The following MRPL13 variants were observed in gnomAD, a reference collection of about 807,000 sequenced individuals.
The protein encoded by MRPL13 is mitochondrial ribosomal protein L13, also known as large ribosomal subunit protein uL13m.
MRPL13 carries 33 observed loss-of-function variants against 29.0 expected under a neutral mutation model. That is an observed-to-expected ratio of 1.14 (90% confidence interval 0.86 to 1.52). MRPL13 has a LOEUF of 1.52. MRPL13 is among the 40% of genes most tolerant of loss of function. The pLI is 0.00. For missense variants in MRPL13, 227 were observed against 216.7 expected, an observed-to-expected ratio of 1.05 and a Z score of -0.30; for synonymous variants, 77 against 68.4, an observed-to-expected ratio of 1.13 and a Z score of -0.62.
In MRPL13 at chr8:120,414,082, C is replaced by T. The variant is rs1460282498; in HGVS notation, c.424G>A (p.Val142Ile). The change falls in exon 6 of 7, where the codon GTA (valine) becomes ATA (isoleucine). Residue 142 changes from valine (V) to isoleucine (I), a missense_variant. Transcript: ENST00000306185. ...YIPEDILKNL[V>I]EELPQPRKIP... ...TTTCGTGGTTGAGGAAGCTCCTCTA[C>T]TAAATTCTTAAGAATATCTTCTGGA... is the stretch of plus-strand genomic sequence containing the variant. The T allele has an allele frequency of 6.3e-7, 1 of 1,590,990 alleles. No individual in the cohort carries two copies. Among genetic ancestry groups the T allele is most frequent in the East Asian group, 2.3e-5 (1 of 44,206 alleles).
intron 1 of MRPL13, 127 bp downstream of exon 1, chr8:120,444,941 A>C: frequency 8.1e-7 from 1 of 1,240,646 alleles, no homozygotes; most frequent in Non-Finnish European, 1.2e-6. Context: ...GTGCTTTCCC[A>C]AGTCACCTCT....
chr8:120,427,567 C>G (rs777027151), intron 3 of MRPL13, among the ~76,000 whole-genome samples: 1 of 152,114 alleles, frequency 6.6e-6, no homozygotes, highest in Non-Finnish European at 1.5e-5. Context: ...GGAATGTACT[C>G]CCATTCACAA....
At chr8:120,430,874 A>G (rs189848657) in intron 3 of MRPL13, among the ~76,000 whole-genome samples, 2 of 152,184 alleles carry the variant, frequency 1.3e-5, no homozygotes, top group African/African-American at 2.4e-5. Flanking sequence ...TATTATTGCT[A>G]TAGTAATTAC....
rs1284191704 is a variant in MRPL13 at position 120,406,062 on chromosome 8, ATATAT to A, written c.515+7924_515+7928del. ...TGTGCGTTAATGTTATATAAGGTTA[ATATAT>A]TTGTAAATAATAACAGTATTCTAAA... is the stretch of plus-strand genomic sequence containing the variant. On this transcript the variant is annotated intron_variant, in intron 6 of 6. Transcript: ENST00000306185. Among the ~76,000 whole-genome samples, 4 of 152,352 alleles carry A rather than the reference ATATAT, an allele frequency of 2.6e-5. 1 individual carries two copies. The East Asian group carries it at 7.7e-4, about 29-fold the overall frequency.
intron 2 of MRPL13, among the ~76,000 whole-genome samples, chr8:120,434,285 T>C (rs1813028430): frequency 6.6e-6 from 1 of 152,124 alleles, no homozygotes; most frequent in South Asian, 2.1e-4. Flanking sequence ...GTAATAATTA[T>C]TCAACATCTT....
intron 2 of MRPL13, among the ~76,000 whole-genome samples, chr8:120,442,278 T>C (rs1438619292): frequency 2.0e-5 from 3 of 152,214 alleles, no homozygotes; most frequent in Non-Finnish European, 2.9e-5. Context: ...GACTCAATAG[T>C]TGCTATGCAC....
intron 3 of MRPL13, among the ~76,000 whole-genome samples, chr8:120,428,025 C>T (rs1024031046): frequency 6.6e-6 from 1 of 150,844 alleles, no homozygotes; most frequent in East Asian, 1.9e-4. Flanking sequence ...GCCTGAATAG[C>T]CAAGGCGATC....
chr8:120,409,232 G>T (rs1297789559), intron 6 of MRPL13, among the ~76,000 whole-genome samples: 2 of 152,098 alleles, frequency 1.3e-5, no homozygotes, highest in Non-Finnish European at 2.9e-5. Context: ...ATTTCTTACT[G>T]AATTAACATG....
At chr8:120,443,930 T>G (rs1813164674) in intron 1 of MRPL13, among the ~76,000 whole-genome samples, 2 of 152,150 alleles carry the variant, frequency 1.3e-5, no homozygotes, top group South Asian at 4.1e-4. Context: ...ACAGTCGTCA[T>G]CAATGTATTC....
chr8:120,440,141 A>G (rs1046566613), intron 2 of MRPL13, among the ~76,000 whole-genome samples: 1 of 152,240 alleles, frequency 6.6e-6, no homozygotes, highest in African/African-American at 2.4e-5. Flanking sequence ...CAGGTGATAC[A>G]TGAACACTAT....
Position 120,414,080 on chromosome 8 carries a change from T to C in MRPL13, c.426A>G (p.Val142=), listed in dbSNP as rs1586920864. ...YIPEDILKNL[V]EELPQPRKIP... ...TTTTTCGTGGTTGAGGAAGCTCCTC[T>C]ACTAAATTCTTAAGAATATCTTCTG... Residue 142 remains valine (V), a synonymous_variant, in exon 6 of 7, where the codon GTA becomes GTG. Transcript: ENST00000306185. The C allele has an allele frequency of 1.3e-6, 2 of 1,592,908 alleles. No homozygotes were observed. Among genetic ancestry groups the C allele is most frequent in the Non-Finnish European group, 1.7e-6 (2 of 1,172,354 alleles).
intron 5 of MRPL13, among the ~76,000 whole-genome samples, chr8:120,416,607 A>T (rs1439260139): frequency 6.6e-6 from 1 of 152,224 alleles, no homozygotes; most frequent in East Asian, 1.9e-4. Flanking sequence ...GGGTCAAGTG[A>T]TCACTTTTTT....
chr8:120,403,754 ATATT>A (rs770656651), intron 6 of MRPL13, among the ~76,000 whole-genome samples: 2 of 152,324 alleles, frequency 1.3e-5, no homozygotes, highest in East Asian at 3.9e-4. Flanking sequence ...GTCCTTTTCT[ATATT>A]TATAAATTTA....
At chr8:120,402,241 C>T (rs894777188) in intron 6 of MRPL13, among the ~76,000 whole-genome samples, 1 of 152,222 alleles carries the variant, frequency 6.6e-6, no homozygotes, top group Non-Finnish European at 1.5e-5. Context: ...CGCTACCCAA[C>T]TTCAAACTAT....
At chr8:120,434,944 A>C (rs1813036184) in intron 2 of MRPL13, among the ~76,000 whole-genome samples, 1 of 152,152 alleles carries the variant, frequency 6.6e-6, no homozygotes, top group African/African-American at 2.4e-5. Context: ...TAGATCCCTC[A>C]CATAGAGTTA....
intron 2 of MRPL13, among the ~76,000 whole-genome samples, chr8:120,434,800 G>A (rs1160615557): frequency 6.6e-6 from 1 of 151,960 alleles, no homozygotes; most frequent in African/African-American, 2.4e-5. Flanking sequence ...CTACTGTCTG[G>A]GCCAGGTAAG....
intron 2 of MRPL13, among the ~76,000 whole-genome samples, chr8:120,434,556 A>T (rs1459336317): frequency 2.0e-4 from 30 of 152,130 alleles, no homozygotes; most frequent in Admixed American, 2.0e-3. Flanking sequence ...ACCAGATGGC[A>T]AAAAGTGGTA....
intron 6 of MRPL13, among the ~76,000 whole-genome samples, chr8:120,411,601 C>T (rs1306457846): frequency 2.0e-5 from 3 of 152,164 alleles, no homozygotes; most frequent in Non-Finnish European, 4.4e-5. Flanking sequence ...CCATACGTTT[C>T]AGTAAACGTA....
chr8:120,418,397 A>G (rs1187440275), intron 5 of MRPL13, among the ~76,000 whole-genome samples: 1 of 152,112 alleles, frequency 6.6e-6, no homozygotes, highest in African/African-American at 2.4e-5. Context: ...TCAAGGATCA[A>G]TCTCCTGATG....
Sources: allele counts gnomAD v4.1 joint callset (sites outside exome capture counted in the v4.1 genomes callset), GRCh38; gene constraint gnomAD v4.1.1; transcripts MANE v1.5; gene names NCBI Gene and HGNC (gene_info 2026-07-23, HGNC 2026-07-21).